The following CFAP54 variants were observed in gnomAD, a reference collection of about 807,000 sequenced individuals.
CFAP54 encodes the protein cilia- and flagella-associated protein 54.
CFAP54 carries 290 observed loss-of-function variants against 370.4 expected under a neutral mutation model. The ratio of observed to expected loss-of-function variants is 0.78; its 90% CI spans 0.71 to 0.86. The LOEUF is 0.86. CFAP54 is among the 40% of genes least tolerant of loss of function. The pLI is 0.00. For synonymous variants in CFAP54, 1,206 were observed against 1,236.5 expected, an observed-to-expected ratio of 0.98 and a Z score of 0.52; for missense variants, 3,399 against 3,528.7, an observed-to-expected ratio of 0.96 and a Z score of 0.93.
intron 49 of CFAP54, among the ~76,000 whole-genome samples, chr12:96,718,851 C>A (rs984065894): frequency 1.3e-5 from 2 of 152,126 alleles, no homozygotes; most frequent in Admixed American, 6.5e-5. Context: ...CCAGCCTGAC[C>A]AACATGGAGA....
intron 64 of CFAP54, among the ~76,000 whole-genome samples, chr12:96,817,229 A>G: frequency 6.6e-6 from 1 of 152,154 alleles, no homozygotes; most frequent in African/African-American, 2.4e-5. Context: ...TGCTTTTGCA[A>G]TTTCTAATTA....
chr12:96,668,813 T>C (rs1957110605), intron 39 of CFAP54, among the ~76,000 whole-genome samples: 1 of 152,240 alleles, frequency 6.6e-6, no homozygotes. Context: ...CTTTGAAGTG[T>C]TAGGATTCTT....
chr12:96,522,131 GAAAA>G lies in CFAP54; in HGVS notation c.1103_1106del (p.Lys368ThrfsTer9). The G allele has an allele frequency of 6.5e-7, 1 of 1,535,426 alleles. No homozygotes were observed. Among genetic ancestry groups the G allele is most frequent in the Non-Finnish European group, 8.7e-7 (1 of 1,146,724 alleles). ...AAAAGAGGAGTCTTTGAATCTAGAA[GAAAA>G]AACAAAGCTGTCTTTAGACCTAAGA... On this transcript the variant is annotated frameshift_variant, in exon 8 of 68. Transcript: ENST00000524981. LOFTEE classifies it high-confidence loss of function.
intron 46 of CFAP54, among the ~76,000 whole-genome samples, chr12:96,702,968 T>C (rs1957506870): frequency 6.6e-6 from 1 of 152,216 alleles, no homozygotes; most frequent in African/African-American, 2.4e-5. Flanking sequence ...TCATCAAATC[T>C]AAAGTCCCAT....
At chr12:96,801,991 C>T (rs1592770499) in intron 63 of CFAP54, among the ~76,000 whole-genome samples, 1 of 152,104 alleles carries the variant, frequency 6.6e-6, no homozygotes, top group South Asian at 2.1e-4. Context: ...GACCACACTT[C>T]CTACAGCTTC....
At chr12:96,874,917 G>A (rs1192349428) in intron 67 of CFAP54, among the ~76,000 whole-genome samples, 1 of 150,150 alleles carries the variant, frequency 6.7e-6, no homozygotes, top group Non-Finnish European at 1.5e-5. Flanking sequence ...GCGCCCGGCC[G>A]GGATCTCTGC....
intron 62 of CFAP54, among the ~76,000 whole-genome samples, chr12:96,790,642 T>C (rs1958681622): frequency 7.0e-6 from 1 of 142,712 alleles, no homozygotes; most frequent in Non-Finnish European, 1.6e-5. Flanking sequence ...ATTTAAGAAA[T>C]TATTTTTTGA....
intron 15 of CFAP54, among the ~76,000 whole-genome samples, chr12:96,553,847 A>G (rs1955723905): frequency 6.6e-6 from 1 of 152,052 alleles, no homozygotes; most frequent in Admixed American, 6.6e-5. Flanking sequence ...AAAGTGACAA[A>G]CTATGTGAAC....
In CFAP54 at chr12:96,598,305, CT is replaced by C. The variant is rs1956200928; in HGVS notation, c.3517-338del. Among the ~76,000 whole-genome samples, 4 of 152,038 alleles carry C rather than the reference CT, an allele frequency of 2.6e-5. No individual in the cohort carries two copies. In the South Asian group the frequency reaches 8.3e-4, roughly 32 times the overall value. On this transcript the variant is annotated intron_variant, in intron 25 of 67. Coordinates refer to ENST00000524981, the MANE Select transcript of CFAP54 (RefSeq NM_001306084.2). ...AGCTTCCATTTGGTTTTTCAAGTTCCTTCTATACCTGGATGTGATAGTTTTT... is the reference window on the plus strand; with the variant it reads ...AGCTTCCATTTGGTTTTTCAAGTTCCTCTATACCTGGATGTGATAGTTTTT...
chr12:96,638,237 GTGTGTATATA>G (rs781699740), intron 32 of CFAP54, among the ~76,000 whole-genome samples: 29 of 91,662 alleles, frequency 3.2e-4, no homozygotes, highest in Non-Finnish European at 3.7e-4. Flanking sequence ...GTGTGTGTGT[GTGTGTATATA>G]TATATATATT....
In CFAP54 at chr12:96,598,628, G is replaced by C; in HGVS notation, c.3517-17G>C. ...ATGACATTTTAAAACAAAAATCATT[G>C]TGATTCTAATTTTTAGATCCTGATA... On this transcript the variant is annotated splice_polypyrimidine_tract_variant and intron_variant, in intron 25 of 67. Coordinates refer to ENST00000524981, the MANE Select transcript of CFAP54 (RefSeq NM_001306084.2). 1.7e-6 allele frequency: 1 copy of C among 598,568 alleles called. No homozygotes were observed. Among genetic ancestry groups the C allele is most frequent in the Non-Finnish European group, 3.0e-6 (1 of 329,126 alleles). The allele number at this position is 598,568 out of a possible 1,614,324, so 37.1% of individuals were successfully genotyped here.
chr12:96,682,171 T>C (rs1957280751), intron 40 of CFAP54: 6 of 985,266 alleles, frequency 6.1e-6, no homozygotes, highest in Non-Finnish European at 7.2e-6. Context: ...TGATTCAAAA[T>C]GTACTTCTGG....
intron 32 of CFAP54, among the ~76,000 whole-genome samples, chr12:96,640,316 C>G (rs1163793186): frequency 1.3e-5 from 2 of 152,078 alleles, no homozygotes; most frequent in Non-Finnish European, 2.9e-5. Context: ...GAGTGAACTC[C>G]CATTCACAAT....
chr12:96,860,723 T>C, intron 66 of CFAP54, 96 bp from the exon 67 acceptor site: 1 of 1,241,434 alleles, frequency 8.1e-7, no homozygotes, highest in African/African-American at 1.5e-5. Context: ...CTATCTTTCA[T>C]ATAAAATTAT....
Position 96,764,216 on chromosome 12 carries a change from A to G in CFAP54, c.8106A>G (p.Ser2702=). 6.2e-7 allele frequency: 1 copy of G among 1,613,186 alleles called. No individual in the cohort carries two copies. The highest frequency in any genetic ancestry group is 8.5e-7 in the Non-Finnish European group (1 of 1,179,562). Residue 2702 remains serine (S), a synonymous_variant, in exon 59 of 68, where the codon TCA becomes TCG. Coordinates refer to ENST00000524981, the MANE Select transcript of CFAP54 (RefSeq NM_001306084.2). ...CAAATAAATTTGAAATGTACAGTTC[A>G]TTAGCCTGGATTGCAATAAGAGCTG... is the stretch of plus-strand genomic sequence containing the variant. ...TSANKFEMYS[S]LAWIAIRAAA...
At chr12:96,630,234 G>T in intron 31 of CFAP54, 30 bp downstream of exon 31, 1 of 1,180,306 alleles carries the variant, frequency 8.5e-7, no homozygotes, top group Non-Finnish European at 1.2e-6. Flanking sequence ...TGAATTTTAG[G>T]TAATGAAATT....
Position 96,679,640 on chromosome 12 carries a change from C to T in CFAP54, c.5604C>T (p.Asp1868=), listed in dbSNP as rs747088881. ...AAGCGCTTGTCTGCGTGCCCGTGGA[C>T]GTGACAGACACCTTGAGGTGTTTTA... ...RAKALVCVPV[D]VTDTLRCFRE... The change falls in exon 40 of 68, where the codon GAC becomes GAT. Residue 1868 remains aspartate, a synonymous_variant. Transcript: ENST00000524981. 57 of 1,613,270 alleles carry T rather than the reference C, an allele frequency of 3.5e-5. No individual in the cohort carries two copies. Among genetic ancestry groups the T allele is most frequent in the Admixed American group, 8.3e-5 (5 of 59,894 alleles).
chr12:96,521,735 G>A (rs1955322934), intron 6 of CFAP54, 122 bp from the exon 7 acceptor site: 7 of 653,106 alleles, frequency 1.1e-5, no homozygotes, highest in Non-Finnish European at 1.8e-5. Context: ...AAAGGAGTCA[G>A]CATTAACCTA....
chr12:96,622,339 CCT>C (rs371334823), intron 27 of CFAP54, among the ~76,000 whole-genome samples: 165 of 136,790 alleles, frequency 1.2e-3, no homozygotes, highest in Admixed American at 1.3e-3. Context: ...GCCCTCCCTC[CCT>C]CTCTCTCTCT....
Sources: gnomAD v4.1 joint callset for allele counts (sites outside exome capture counted in the v4.1 genomes callset) on GRCh38, gnomAD v4.1.1 for gene constraint, MANE v1.5 for transcripts, NCBI Gene and HGNC (gene_info 2026-07-23, HGNC 2026-07-21) for gene names.